Variants in NAV1 observed in about 807,000 individuals in gnomAD.
NAV1 encodes the protein pore membrane and/or filament interacting like protein 3.
A neutral mutation model predicts 175.2 loss-of-function variants in NAV1; 18 were observed. The observed-to-expected ratio is 0.10, with a 90% CI of 0.07 to 0.15. The LOEUF is 0.15. Among genes scored for constraint, NAV1 ranks in the 10% least tolerant of loss-of-function variants. The probability of loss-of-function intolerance (pLI) is 1.00; values close to 1 mark genes in which losing one functional copy is unlikely to be tolerated. For missense variants in NAV1, 1,731 were observed against 2,436.6 expected (o/e 0.71, Z 6.10); for synonymous variants, 897 against 978.7 (o/e 0.92, Z 1.56).
chr1:201,818,080 A>G (rs1679172056), intron 29 of NAV1, among the ~76,000 whole-genome samples: 1 of 152,110 alleles, frequency 6.6e-6, no homozygotes, highest in African/African-American at 2.4e-5. Context: ...AAACAAAAAA[A>G]TTAGCTGGGT....
intron 1 of NAV1, among the ~76,000 whole-genome samples, chr1:201,712,277 C>A: frequency 6.6e-6 from 1 of 152,146 alleles, no homozygotes; most frequent in East Asian, 1.9e-4. Flanking sequence ...CAATTGTTAG[C>A]CCCTCTTCCT....
intron 3 of NAV1, among the ~76,000 whole-genome samples, chr1:201,742,468 G>T (rs1185863431): frequency 6.6e-6 from 1 of 152,132 alleles, no homozygotes. Context: ...TATCATGGAA[G>T]CCTGTGCCCA....
Position 201,810,419 on chromosome 1 carries a change from GT to G in NAV1, c.4562-101del. ...GGAACCATGGGGCAAGTGGCTCTGAGTTTCTTCAGGGGGCTCCTAGATAAAG... is the reference window on the plus strand; with the variant it reads ...GGAACCATGGGGCAAGTGGCTCTGAGTTCTTCAGGGGGCTCCTAGATAAAG... On this transcript the variant is annotated intron_variant, in intron 23 of 29. Coordinates refer to ENST00000367296, the Ensembl canonical transcript of NAV1. This position sits in a 1 kb window ranked among gnomAD's most constrained non-coding sequence, Gnocchi z 6.0. The G allele has an allele frequency of 8.7e-7, 1 of 1,149,624 alleles. No individual in the cohort carries two copies. Among genetic ancestry groups the G allele is most frequent in the South Asian group, 1.6e-5 (1 of 62,744 alleles). 71.2% of individuals were successfully genotyped at this position (1,149,624 alleles called of 1,614,324 possible).
rs954687666 is a variant in NAV1 at position 201,713,038 on chromosome 1, G to A, written c.860+119G>A. 6 of 680,148 alleles carry A rather than the reference G, an allele frequency of 8.8e-6. No homozygotes were observed. The African/African-American group carries it at 1.1e-4, about 12-fold the overall frequency. 42.1% of individuals were successfully genotyped at this position (680,148 alleles called of 1,614,324 possible). A position where few individuals can be genotyped will look rare whatever the true frequency, so the allele number is the denominator to read the frequency against. ...TGCCAGGTCAGCCAGGTGGCCTGAT[G>A]CGTGGAGCCACTGCAGAAGGAGGAG... On this transcript the variant is annotated intron_variant, in intron 2 of 29. Transcript: ENST00000367296.
intron 3 of NAV1, among the ~76,000 whole-genome samples, chr1:201,761,604 G>T (rs183116434): frequency 6.6e-6 from 1 of 152,126 alleles, no homozygotes; most frequent in Non-Finnish European, 1.5e-5. Flanking sequence ...TTTATTTGTT[G>T]CTTTATGCAT....
chr1:201,604,606 T>C (rs996646786), intron 2 of NAV1, among the ~76,000 whole-genome samples: 9 of 148,938 alleles, frequency 6.0e-5, no homozygotes, highest in Non-Finnish European at 1.3e-4. Context: ...CGCTTGAACC[T>C]GGGAGGCGGA....
At chr1:201,696,650 C>T (rs1305916183) in intron 1 of NAV1, among the ~76,000 whole-genome samples, 3 of 152,140 alleles carry the variant, frequency 2.0e-5, no homozygotes, top group Admixed American at 6.5e-5. Flanking sequence ...CTGTGAGGAG[C>T]GTGATTCCAG....
chr1:201,770,663 A>C (rs1278766744), intron 3 of NAV1, among the ~76,000 whole-genome samples: 1 of 152,234 alleles, frequency 6.6e-6, no homozygotes, highest in Non-Finnish European at 1.5e-5. Context: ...TAAGAGGAGC[A>C]AACCCACCAT....
At position 201,776,050 on chromosome 1, in the gene NAV1, C is replaced by T. The variant is rs974290993; in HGVS notation, c.1227-4371C>T. Among the ~76,000 whole-genome samples the T allele has an allele frequency of 1.2e-4, 18 of 151,886 alleles. 1 individual carries two copies. Among genetic ancestry groups the T allele is most frequent in the African/African-American group, 2.2e-4 (9 of 41,316 alleles). On this transcript the variant is annotated intron_variant, in intron 3 of 29. Transcript: ENST00000367296. ...TAGCCTGGGTAAGAATACAAGATCC[C>T]GTCTCTAAAATATACATATACATAT... is the stretch of plus-strand genomic sequence containing the variant.
chr1:201,617,549 G>T (rs1170357371), intron 2 of NAV1, among the ~76,000 whole-genome samples: 4 of 152,094 alleles, frequency 2.6e-5, no homozygotes, highest in Non-Finnish European at 5.9e-5. Flanking sequence ...AACATAGCAA[G>T]ACCTCATTTC....
At chr1:201,688,684 A>G (rs1670778833) in intron 1 of NAV1, among the ~76,000 whole-genome samples, 2 of 152,202 alleles carry the variant, frequency 1.3e-5, no homozygotes, top group African/African-American at 4.8e-5. Context: ...CTGAGAGCCA[A>G]CGTAATTAGT....
At chr1:201,751,246 A>G (rs1407494611) in intron 3 of NAV1, among the ~76,000 whole-genome samples, 1 of 152,250 alleles carries the variant, frequency 6.6e-6, no homozygotes, top group Non-Finnish European at 1.5e-5. Context: ...CATGTGTAAA[A>G]GAACATGTCA....
intron 1 of NAV1, among the ~76,000 whole-genome samples, chr1:201,678,259 A>G (rs1231727115): frequency 1.3e-5 from 2 of 152,146 alleles, no homozygotes; most frequent in Non-Finnish European, 2.9e-5. Flanking sequence ...CGGGCCTCCT[A>G]CCTCTCAACG....
upstream of NAV1, among the ~76,000 whole-genome samples, chr1:201,646,191 T>C (rs1051380724): frequency 1.3e-5 from 2 of 152,214 alleles, no homozygotes; most frequent in African/African-American, 4.8e-5. Context: ...ACCACTCACA[T>C]TCCTTTAACC....
intron 3 of NAV1, among the ~76,000 whole-genome samples, chr1:201,728,211 T>A (rs1256489419): frequency 6.6e-6 from 1 of 152,018 alleles, no homozygotes; most frequent in Non-Finnish European, 1.5e-5. Context: ...AGCCTCTACC[T>A]CCTAGGCTCA....
intron 1 of NAV1, among the ~76,000 whole-genome samples, chr1:201,698,568 A>G (rs1034930285): frequency 3.3e-5 from 5 of 152,246 alleles, no homozygotes; most frequent in Non-Finnish European, 7.3e-5. Context: ...CACATCCTAC[A>G]TAGAAGACTG....
chr1:201,677,384 T>C (rs931561069), intron 1 of NAV1, among the ~76,000 whole-genome samples: 2 of 152,100 alleles, frequency 1.3e-5, no homozygotes, highest in Non-Finnish European at 2.9e-5. Flanking sequence ...CCCTGCAAGT[T>C]TCCTCAGTGC....
chr1:201,628,388 G>T (rs1236187416), intron 1 of NAV1, among the ~76,000 whole-genome samples: 2 of 152,058 alleles, frequency 1.3e-5, no homozygotes, highest in African/African-American at 4.8e-5. Flanking sequence ...AGCCTTGAGG[G>T]GCATCTTTTC....
intron 3 of NAV1, among the ~76,000 whole-genome samples, chr1:201,768,527 A>G (rs1328863050): frequency 6.6e-6 from 1 of 151,794 alleles, no homozygotes; most frequent in African/African-American, 2.4e-5. Flanking sequence ...AGTCCCAGCT[A>G]CTTGGGGAGC....
Sources: gnomAD v4.1 joint callset for allele counts (sites outside exome capture counted in the v4.1 genomes callset) on GRCh38, gnomAD v4.1.1 for gene constraint, Gnocchi (gnomAD v3.1) non-coding constraint, MANE v1.5 for transcripts, NCBI Gene and HGNC (gene_info 2026-07-23, HGNC 2026-07-21) for gene names.